The following LMAN2L variants were observed in gnomAD, a reference collection of about 807,000 sequenced individuals.
LMAN2L encodes lectin, mannose binding 2 like.
In LMAN2L, 30 loss-of-function variants were observed where a neutral mutation model predicts 44.3. The observed-to-expected ratio is 0.68, with a 90% CI of 0.51 to 0.92. LMAN2L has a LOEUF of 0.92. Among genes scored for constraint, LMAN2L ranks in the 40% least tolerant of loss-of-function variants. The pLI, the probability that LMAN2L is intolerant of heterozygous loss-of-function variation, is 0.00. For missense variants in LMAN2L, 429 were observed against 446.1 expected (o/e 0.96, Z 0.35); for synonymous variants, 183 against 171.1 (o/e 1.07, Z -0.54).
At chr2:96,724,499 ATTTT>A (rs1317733460) in intron 4 of LMAN2L, among the ~76,000 whole-genome samples, 1 of 151,900 alleles carries the variant, frequency 6.6e-6, no homozygotes, top group African/African-American at 2.4e-5. Flanking sequence ...TCCTCCAATA[ATTTT>A]TTTTACTTTA....
At chr2:96,712,988 T>C (rs754259740) in intron 4 of LMAN2L, 5 of 781,500 alleles carry the variant, frequency 6.4e-6, no homozygotes, top group Non-Finnish European at 1.1e-5. Flanking sequence ...AAGATGGAGA[T>C]GCAGTCGAGA....
Position 96,711,779 on chromosome 2 carries a change from A to G in LMAN2L, c.670-9T>C, listed in dbSNP as rs772370844. 6.2e-7 allele frequency: 1 copy of G among 1,613,216 alleles called. No individual in the cohort carries two copies. The highest frequency in any genetic ancestry group is 1.3e-5 in the African/African-American group (1 of 74,900). The stretch of plus-strand genomic sequence containing the variant: ...TCAATATCCATCATTATCTAGAATA[A>G]AAAGAGAGATAAATCAGGGTCAGGC... On this transcript the variant is annotated splice_polypyrimidine_tract_variant and intron_variant, in intron 5 of 7. Coordinates refer to ENST00000264963, the MANE Select transcript of LMAN2L (RefSeq NM_030805.4).
chr2:96,733,144 G>C (rs1021215953), intron 4 of LMAN2L, among the ~76,000 whole-genome samples: 1 of 152,204 alleles, frequency 6.6e-6, no homozygotes, highest in South Asian at 2.1e-4. Context: ...AGTTGCAGAA[G>C]AGAGCACAGC....
chr2:96,707,591 T>A, intron 7 of LMAN2L, 123 bp downstream of exon 7: 1 of 1,331,918 alleles, frequency 7.5e-7, no homozygotes, highest in Non-Finnish European at 1.0e-6. Context: ...GAAAGGCAGA[T>A]GAAAGTGCTC....
intron 4 of LMAN2L, among the ~76,000 whole-genome samples, chr2:96,732,192 C>T (rs555733753): frequency 6.6e-6 from 1 of 151,554 alleles, no homozygotes; most frequent in African/African-American, 2.4e-5. Context: ...CATAATAAAC[C>T]TTTGAGGAAA....
chr2:96,710,412 G>A (rs2077887657), intron 6 of LMAN2L, among the ~76,000 whole-genome samples: 1 of 152,218 alleles, frequency 6.6e-6, no homozygotes, highest in Non-Finnish European at 1.5e-5. Flanking sequence ...GCTCATGCCT[G>A]TAATCCCAGC....
chr2:96,733,594 C>T lies in LMAN2L; in HGVS notation c.432G>A (p.Val144=). ...CCACAAATTTGTCCATGTTTCCAAA[C>T]ACAGGCCCTAGAGAGAGAGAACAGA... ...YTKDRMQPGP[V]FGNMDKFVGL... is the part of the protein sequence containing the mutation. The change falls in exon 4 of 8, where the codon GTG becomes GTA. Residue 144 remains valine (V), a synonymous_variant. Coordinates refer to ENST00000264963, the MANE Select transcript of LMAN2L (RefSeq NM_030805.4). 2 of 1,612,904 alleles carry T rather than the reference C, an allele frequency of 1.2e-6. No homozygotes were observed. Among genetic ancestry groups the T allele is most frequent in the South Asian group, 2.2e-5 (2 of 91,052 alleles).
chr2:96,733,915 T>C (rs1015510836), intron 3 of LMAN2L, among the ~76,000 whole-genome samples: 5 of 152,184 alleles, frequency 3.3e-5, no homozygotes, highest in African/African-American at 1.2e-4. Flanking sequence ...TTACAAACAA[T>C]TGGTAAAGAC....
At position 96,733,503 on chromosome 2, in the gene LMAN2L, T is replaced by TG. The variant is rs768513072; in HGVS notation, c.507+15dup. The TG allele has an allele frequency of 6.3e-7, 1 of 1,599,470 alleles. No individual in the cohort carries two copies. Among genetic ancestry groups the TG allele is most frequent in the Non-Finnish European group, 8.6e-7 (1 of 1,166,754 alleles). ...ATGTCAGTGTAGCTGACCTAGGCTCTGACACTTGCCATTACCTCTTGCTGC... is the reference window on the plus strand; with the variant it reads ...ATGTCAGTGTAGCTGACCTAGGCTCTGGACACTTGCCATTACCTCTTGCTGC... On this transcript the variant is annotated intron_variant, in intron 4 of 7. Transcript: ENST00000264963.
intron 2 of LMAN2L, among the ~76,000 whole-genome samples, chr2:96,735,698 T>C (rs1418753801): frequency 6.6e-6 from 1 of 151,672 alleles, no homozygotes; most frequent in African/African-American, 2.4e-5. Flanking sequence ...AATTAGCCGG[T>C]GTGGTGGTGG....
Position 96,707,336 on chromosome 2 carries a change from C to G in LMAN2L, c.967G>C (p.Val323Leu). ...ALFLIVFFSL[V>L]FSVFAIVIGI... ...ATGACTATGGCAAATACAGAAAACA[C>G]CAGGGAGAAAAAGACGATGAGGAAG... Residue 323 changes from valine (V) to leucine (L), a missense_variant, in exon 8 of 8, where the codon GTG becomes CTG. Transcript: ENST00000264963. 6.2e-7 allele frequency: 1 copy of G among 1,613,896 alleles called. No homozygotes were observed.
intron 1 of LMAN2L, 49 bp downstream of exon 1, chr2:96,739,805 G>C (rs375641608): frequency 2.5e-5 from 40 of 1,586,546 alleles, no homozygotes; most frequent in Non-Finnish European, 5.2e-6. Flanking sequence ...CTGAAATCAA[G>C]TCCCGAAGCC....
intron 4 of LMAN2L, among the ~76,000 whole-genome samples, chr2:96,719,925 G>T (rs2078115607): frequency 6.6e-6 from 1 of 152,144 alleles, no homozygotes; most frequent in Admixed American, 6.5e-5. Context: ...TATTCAGAAG[G>T]CTGAGGCAGG....
chr2:96,737,970 C>G lies in LMAN2L; in HGVS notation c.285G>C (p.Gln95His), dbSNP rs2078550613. Reference sequence around the variant, plus strand: ...TTACCACCCGGTTCCACAAGGCACCCTGTTTACTTTGCATATCTGGGGTAA... The same window carrying G: ...TTACCACCCGGTTCCACAAGGCACCGTGTTTACTTTGCATATCTGGGGTAA... ...IRLTPDMQSK[Q>H]GALWNRVPCF... is the part of the protein sequence containing the mutation. The change falls in exon 2 of 8, where the codon CAG (glutamine) becomes CAC (histidine). Residue 95 changes from glutamine to histidine, a missense_variant. Coordinates refer to ENST00000264963, the MANE Select transcript of LMAN2L (RefSeq NM_030805.4). The G allele has an allele frequency of 1.2e-6, 2 of 1,612,960 alleles. No individual in the cohort carries two copies. The highest frequency in any genetic ancestry group is 2.2e-5 in the South Asian group (2 of 91,052).
chr2:96,733,868 C>T (rs2078457999), intron 3 of LMAN2L, among the ~76,000 whole-genome samples: 1 of 152,160 alleles, frequency 6.6e-6, no homozygotes, highest in Non-Finnish European at 1.5e-5. Context: ...CTTCCTGATC[C>T]AAACTGGTTG....
chr2:96,726,438 C>T (rs936929079), intron 4 of LMAN2L, among the ~76,000 whole-genome samples: 8 of 151,978 alleles, frequency 5.3e-5, no homozygotes, highest in Non-Finnish European at 1.0e-4. Context: ...TCATTTTATT[C>T]CTGATCTTAG....
At chr2:96,716,610 T>A (rs2078045283) in intron 4 of LMAN2L, among the ~76,000 whole-genome samples, 1 of 152,246 alleles carries the variant, frequency 6.6e-6, no homozygotes, top group Non-Finnish European at 1.5e-5. Context: ...TATTGAGCAC[T>A]TAGTCTGTGC....
intron 4 of LMAN2L, among the ~76,000 whole-genome samples, chr2:96,716,262 A>G (rs1197046584): frequency 6.6e-6 from 1 of 152,240 alleles, no homozygotes; most frequent in Non-Finnish European, 1.5e-5. Flanking sequence ...ACAAAGGGAC[A>G]CTTTAACACC....
chr2:96,728,872 G>A lies in LMAN2L; in HGVS notation c.507+4647C>T, dbSNP rs546783455. On this transcript the variant is annotated intron_variant, in intron 4 of 7. Transcript: ENST00000264963. ...GGGTAACAGAGCAAGACTCCATCTCGAAAAATAAAATAAAATAAGGCCAGG... is the reference window on the plus strand; with the variant it reads ...GGGTAACAGAGCAAGACTCCATCTCAAAAAATAAAATAAAATAAGGCCAGG... Among the ~76,000 whole-genome samples the A allele has an allele frequency of 3.3e-3, 468 of 143,166 alleles. 3 individuals are homozygous for A. Among genetic ancestry groups the A allele is most frequent in the African/African-American group, 0.012 (459 of 38,418 alleles). The allele number at this position is 143,166 out of a possible 152,430, so 93.9% of individuals were successfully genotyped here. A position where few individuals can be genotyped will look rare whatever the true frequency, so the allele number is the denominator to read the frequency against.
Sources: gnomAD v4.1 joint callset for allele counts (sites outside exome capture counted in the v4.1 genomes callset) on GRCh38, gnomAD v4.1.1 for gene constraint, MANE v1.5 for transcripts, NCBI Gene and HGNC (gene_info 2026-07-23, HGNC 2026-07-21) for gene names.